CSMD1: variants seen among roughly 807,000 people sequenced by gnomAD.
CSMD1 encodes CUB and Sushi multiple domains 1, also known as CUB and sushi domain-containing protein 1.
A neutral mutation model predicts 417.5 loss-of-function variants in CSMD1; 213 were observed. That is an observed-to-expected ratio of 0.51 (90% CI 0.46 to 0.57). The LOEUF is 0.57. Ranked by LOEUF, CSMD1 falls within the 20% of genes least tolerant of loss-of-function variation. The probability of loss-of-function intolerance (pLI) is 0.00; values close to 1 mark genes in which losing one functional copy is unlikely to be tolerated. For missense variants in CSMD1, 6,923 were observed against 4,529.7 expected (o/e 1.53, Z -15.17); for synonymous variants, 2,862 against 1,736.8 (o/e 1.65, Z -16.11).
At chr8:4,508,187 G>A (rs1269896195) in intron 2 of CSMD1, among the ~76,000 whole-genome samples, 2 of 149,794 alleles carry the variant, frequency 1.3e-5, no homozygotes, top group Admixed American at 6.6e-5. Context: ...TTCTGAGGAG[G>A]TGTCATTTTA....
chr8:3,476,192 G>A (rs1268912216), intron 11 of CSMD1, among the ~76,000 whole-genome samples: 2 of 152,124 alleles, frequency 1.3e-5, no homozygotes, highest in South Asian at 4.1e-4. Flanking sequence ...AAATACAAAT[G>A]CAAAAACAAA....
At chr8:3,672,561 T>A (rs1356645242) in intron 7 of CSMD1, among the ~76,000 whole-genome samples, 1 of 152,216 alleles carries the variant, frequency 6.6e-6, no homozygotes, top group Non-Finnish European at 1.5e-5. Context: ...TAATAATGGT[T>A]TAAAGCTCAT....
intron 5 of CSMD1, among the ~76,000 whole-genome samples, chr8:3,854,385 T>C (rs1804144402): frequency 6.6e-6 from 1 of 152,076 alleles, no homozygotes; most frequent in East Asian, 1.9e-4. Flanking sequence ...AGATAATGAA[T>C]TAAAGTATCA....
intron 40 of CSMD1, among the ~76,000 whole-genome samples, chr8:3,144,102 C>T (rs970430207): frequency 2.0e-5 from 3 of 152,158 alleles, no homozygotes; most frequent in African/African-American, 7.2e-5. Context: ...GCCTGGGGTC[C>T]GATTTGCCAA....
chr8:4,894,952 C>G (rs1346173617), intron 1 of CSMD1, among the ~76,000 whole-genome samples: 2 of 152,146 alleles, frequency 1.3e-5, no homozygotes, highest in African/African-American at 4.8e-5. Context: ...AATCAAATGG[C>G]TGAGGTTCAG....
At chr8:4,553,962 A>C (rs1274671842) in intron 2 of CSMD1, among the ~76,000 whole-genome samples, 6 of 152,168 alleles carry the variant, frequency 3.9e-5, no homozygotes, top group African/African-American at 7.2e-5. Context: ...TTAGCCTGTC[A>C]CGCTGATGTC....
chr8:3,132,719 A>G (rs1319950263), intron 41 of CSMD1, among the ~76,000 whole-genome samples: 1 of 152,242 alleles, frequency 6.6e-6, no homozygotes, highest in Non-Finnish European at 1.5e-5. Flanking sequence ...TGTAATCTGC[A>G]TAACAAGACA....
chr8:4,442,071 C>T (rs1798515838), intron 2 of CSMD1, among the ~76,000 whole-genome samples: 2 of 152,260 alleles, frequency 1.3e-5, no homozygotes, highest in South Asian at 4.1e-4. Context: ...CAAAACTGCT[C>T]AGAGTTTGAG....
At chr8:3,497,240 C>T (rs1499683) in intron 10 of CSMD1, among the ~76,000 whole-genome samples, 114,161 of 151,734 alleles carry the variant, frequency 0.75, 43,091 homozygotes, top group Middle Eastern at 0.84. Flanking sequence ...CTGAGAGTAG[C>T]AGGATGTTCA....
intron 2 of CSMD1, among the ~76,000 whole-genome samples, chr8:4,615,294 T>C (rs1019219925): frequency 1.3e-5 from 2 of 152,166 alleles, no homozygotes; most frequent in African/African-American, 4.8e-5. Flanking sequence ...TCTCTTCACA[T>C]TGGGTTTACG....
At chr8:3,956,286 C>A (rs1215358912) in intron 5 of CSMD1, among the ~76,000 whole-genome samples, 2 of 152,144 alleles carry the variant, frequency 1.3e-5, no homozygotes, top group Non-Finnish European at 2.9e-5. Context: ...ATGAAACCAT[C>A]ACATCAAAAC....
intron 1 of CSMD1, among the ~76,000 whole-genome samples, chr8:4,839,909 G>C (rs888406579): frequency 6.6e-6 from 1 of 152,090 alleles, no homozygotes; most frequent in Non-Finnish European, 1.5e-5. Flanking sequence ...AACCTCCTGC[G>C]CGTCTCCTCA....
chr8:4,597,736 T>G (rs966862869), intron 2 of CSMD1, among the ~76,000 whole-genome samples: 4 of 152,152 alleles, frequency 2.6e-5, no homozygotes, highest in Non-Finnish European at 5.9e-5. Flanking sequence ...AACTGTAGTT[T>G]AGCTTTTCTT....
chr8:4,159,939 G>A (rs372567117), intron 3 of CSMD1, among the ~76,000 whole-genome samples: 4 of 152,038 alleles, frequency 2.6e-5, no homozygotes, highest in African/African-American at 4.8e-5. Flanking sequence ...GGCCTTGAGG[G>A]GAAAGGGTGG....
At position 3,722,663 on chromosome 8, in the gene CSMD1, G is replaced by T. The variant is rs79939742; in HGVS notation, c.932-14172C>A. 1.1e-4 allele frequency among the ~76,000 whole-genome samples: 17 copies of T among 152,254 alleles called. No homozygotes were observed. In the East Asian group the frequency reaches 3.1e-3, roughly 28 times the overall value. On this transcript the variant is annotated intron_variant, in intron 6 of 69. Coordinates refer to ENST00000635120, the MANE Select transcript of CSMD1 (RefSeq NM_033225.6). The stretch of plus-strand genomic sequence containing the variant: ...TCCAGGCATGAAATGTGTATATTCC[G>T]CACAGAGTTCGGTAAATTGCCCTAG...
chr8:3,483,994 A>G (rs1817885854), intron 11 of CSMD1, among the ~76,000 whole-genome samples: 2 of 152,196 alleles, frequency 1.3e-5, no homozygotes, highest in Admixed American at 1.3e-4. Context: ...ATTTTCTCCA[A>G]ATTTATCAAT....
intron 1 of CSMD1, among the ~76,000 whole-genome samples, chr8:4,770,768 A>C (rs534960050): frequency 6.6e-6 from 1 of 152,284 alleles, no homozygotes; most frequent in Admixed American, 6.5e-5. Flanking sequence ...CATGCAAAAG[A>C]ATGAAATTGG....
At chr8:3,340,832 A>C (rs531558574) in intron 23 of CSMD1, among the ~76,000 whole-genome samples, 1 of 152,318 alleles carries the variant, frequency 6.6e-6, no homozygotes, top group East Asian at 1.9e-4. Flanking sequence ...TAATCTTGCA[A>C]AGGAGACCTG....
At chr8:4,321,377 G>T (rs868203319) in intron 3 of CSMD1, among the ~76,000 whole-genome samples, 1 of 152,046 alleles carries the variant, frequency 6.6e-6, no homozygotes, top group Non-Finnish European at 1.5e-5. Flanking sequence ...GCATAAGAAC[G>T]GAGCAATCAG....
Sources: gnomAD v4.1 joint callset for allele counts (sites outside exome capture counted in the v4.1 genomes callset) on GRCh38, gnomAD v4.1.1 for gene constraint, MANE v1.5 for transcripts, NCBI Gene and HGNC (gene_info 2026-07-23, HGNC 2026-07-21) for gene names.